The following TRAK1 variants were observed in gnomAD, a reference collection of about 807,000 sequenced individuals.
TRAK1 encodes trafficking kinesin protein 1, also known as trafficking kinesin-binding protein 1.
A neutral mutation model predicts 92.1 loss-of-function variants in TRAK1; 33 were observed. The ratio of observed to expected loss-of-function variants is 0.36; its 90% CI spans 0.27 to 0.48. TRAK1 has a LOEUF of 0.48. Ranked by LOEUF, TRAK1 falls within the 20% of genes least tolerant of loss-of-function variation. The pLI is 0.99. For missense variants in TRAK1, 1,123 were observed against 1,257.9 expected, an observed-to-expected ratio of 0.89 and a Z score of 1.62; for synonymous variants, 521 against 517.3, an observed-to-expected ratio of 1.01 and a Z score of -0.10.
At chr3:42,117,503 C>G (rs891399410) in intron 1 of TRAK1, among the ~76,000 whole-genome samples, 3 of 152,048 alleles carry the variant, frequency 2.0e-5, no homozygotes, top group African/African-American at 7.2e-5. Flanking sequence ...TCTCTCCTGT[C>G]TTTTATTCTT....
intron 1 of TRAK1, among the ~76,000 whole-genome samples, chr3:42,092,162 G>A (rs919798568): frequency 3.9e-5 from 6 of 152,114 alleles, no homozygotes; most frequent in Non-Finnish European, 7.4e-5. Context: ...CAGTGATGGA[G>A]GGCTTGCTAA....
chr3:42,122,797 C>G (rs1055762267), intron 1 of TRAK1, among the ~76,000 whole-genome samples: 2 of 152,154 alleles, frequency 1.3e-5, no homozygotes, highest in Non-Finnish European at 2.9e-5. Context: ...TGGGGGAGGA[C>G]ATAGCTTCTG....
intron 1 of TRAK1, among the ~76,000 whole-genome samples, chr3:42,077,122 G>C (rs1366042307): frequency 6.6e-6 from 1 of 152,058 alleles, no homozygotes. Flanking sequence ...TGGGCTTTTT[G>C]TTGTTTTTGT....
chr3:42,154,740 T>A (rs749087327), intron 2 of TRAK1, among the ~76,000 whole-genome samples: 70 of 152,172 alleles, frequency 4.6e-4, no homozygotes, highest in Non-Finnish European at 7.2e-4. Context: ...CTTATTTGTT[T>A]ATTTAAATTG....
At position 42,148,023 on chromosome 3, in the gene TRAK1, AACACACAC is replaced by A. The variant is rs146659030; in HGVS notation, c.286+22426_286+22433del. On this transcript the variant is annotated intron_variant, in intron 2 of 15. Coordinates refer to ENST00000327628, the MANE Select transcript of TRAK1 (RefSeq NM_001042646.3). Reference sequence around the variant, plus strand: ...AGAAGCAGACATACACATACATAGAAACACACACACACACACACACACACTATTATCTG... The same window carrying A: ...AGAAGCAGACATACACATACATAGAAACACACACACACACACTATTATCTG... Among the ~76,000 whole-genome samples the A allele has an allele frequency of 3.7e-4, 56 of 150,192 alleles. 1 individual carries two copies. The highest frequency in any genetic ancestry group is 7.1e-3 in the Middle Eastern group (2 of 280).
At chr3:42,067,678 G>A (rs549586107) in intron 1 of TRAK1, among the ~76,000 whole-genome samples, 61 of 151,570 alleles carry the variant, frequency 4.0e-4, no homozygotes, top group African/African-American at 1.4e-3. Context: ...CTGTCATTCT[G>A]TAGTGTTAGT....
chr3:42,042,675 A>C (rs1477434069), intron 1 of TRAK1, among the ~76,000 whole-genome samples: 3 of 123,278 alleles, frequency 2.4e-5, no homozygotes, highest in South Asian at 2.1e-4. Context: ...CCAGCCTGGA[A>C]CTTTTATTTT....
At chr3:42,161,926 A>G (rs1457806119) in intron 2 of TRAK1, among the ~76,000 whole-genome samples, 4 of 152,214 alleles carry the variant, frequency 2.6e-5, no homozygotes, top group Non-Finnish European at 4.4e-5. Context: ...GCTCCCCCAG[A>G]TTTAGCTGGA....
intron 2 of TRAK1, chr3:42,160,492 T>C (rs1701144273): frequency 6.2e-7 from 1 of 1,611,994 alleles, no homozygotes; most frequent in Non-Finnish European, 8.5e-7. Context: ...TGTACTTGGC[T>C]CAGATTTGAT....
chr3:42,223,545 A>G lies in TRAK1; in HGVS notation c.2670A>G (p.Val890=). ...PAPALVPRGL[V]PEGLPLRCPT... is the part of the protein sequence containing the mutation. ...CAGCCCTTGTTCCCAGAGGCCTGGT[A>G]CCTGAGGGCCTGCCCCTCAGATGCC... Residue 890 remains valine, a synonymous_variant, in exon 16 of 16, where the codon GTA becomes GTG. Coordinates refer to ENST00000327628, the MANE Select transcript of TRAK1 (RefSeq NM_001042646.3). This position sits in a 1 kb window ranked among gnomAD's most constrained non-coding sequence, Gnocchi z 6.1. 6.2e-7 allele frequency: 1 copy of G among 1,613,788 alleles called. No individual in the cohort carries two copies. The highest frequency in any genetic ancestry group is 2.2e-5 in the East Asian group (1 of 44,864).
At position 42,223,734 on chromosome 3, in the gene TRAK1, G is replaced by A. The variant is rs557184376; in HGVS notation, c.2859G>A (p.Arg953=). 1 of 1,601,430 alleles carries A rather than the reference G, an allele frequency of 6.2e-7. No homozygotes were observed. Among genetic ancestry groups the A allele is most frequent in the African/African-American group, 1.3e-5 (1 of 74,640 alleles). The change falls in exon 16 of 16, where the codon CGG becomes CGA. Residue 953 remains arginine, a synonymous_variant. Coordinates refer to ENST00000327628, the MANE Select transcript of TRAK1 (RefSeq NM_001042646.3). The surrounding 1 kb of genome is among the most constrained non-coding windows in gnomAD (Gnocchi z 6.1). ...AGCTCTCCAAACAAACTAGCTTACG[G>A]TGAGGACTGGAGGGGGGCCGGTTGC... ...GAKLSKQTSL[R] is the part of the protein sequence containing the mutation.
chr3:42,184,625 T>C (rs1374029174), intron 3 of TRAK1, 60 bp from the exon 4 acceptor site: 6 of 1,524,864 alleles, frequency 3.9e-6, no homozygotes, highest in African/African-American at 2.7e-5. Context: ...CTGAGCACCA[T>C]TGACTCCTTC....
chr3:42,218,581 T>C (rs1288668211), intron 14 of TRAK1: 1 of 985,238 alleles, frequency 1.0e-6, no homozygotes, highest in Non-Finnish European at 1.2e-6. Context: ...TCTGCAATCA[T>C]GATGTCTCCC....
At position 42,199,832 on chromosome 3, in the gene TRAK1, A is replaced by C. The variant is rs150996164; in HGVS notation, c.1190+579A>C. Among the ~76,000 whole-genome samples, 756 of 152,358 alleles carry C rather than the reference A, an allele frequency of 5.0e-3. 6 individuals are homozygous for C. Among genetic ancestry groups the C allele is most frequent in the Middle Eastern group, 0.037 (11 of 294 alleles). ...CTTCCAGAAAGTCCTAGAAAAGGAG[A>C]GATGTCTTTCCCATCTCTCTTAACA... On this transcript the variant is annotated intron_variant, in intron 11 of 15. Coordinates refer to ENST00000327628, the MANE Select transcript of TRAK1 (RefSeq NM_001042646.3).
At chr3:42,157,160 A>G (rs1700630224) in intron 2 of TRAK1, among the ~76,000 whole-genome samples, 1 of 151,680 alleles carries the variant, frequency 6.6e-6, no homozygotes, top group African/African-American at 2.4e-5. Context: ...TGGAAAAAAA[A>G]AAAAAATTAC....
intron 1 of TRAK1, among the ~76,000 whole-genome samples, chr3:42,098,149 C>T (rs1706217940): frequency 6.6e-6 from 1 of 151,998 alleles, no homozygotes; most frequent in Non-Finnish European, 1.5e-5. Flanking sequence ...TCTTCTCTTC[C>T]TCCATCCCCA....
chr3:42,048,227 C>T (rs991797466), intron 1 of TRAK1, among the ~76,000 whole-genome samples: 16 of 151,972 alleles, frequency 1.1e-4, no homozygotes, highest in Admixed American at 3.9e-4. Context: ...AGAGATAGGC[C>T]GTTGAACCTG....
At chr3:42,025,738 A>G (rs982156893) in intron 1 of TRAK1, among the ~76,000 whole-genome samples, 1 of 152,174 alleles carries the variant, frequency 6.6e-6, no homozygotes, top group African/African-American at 2.4e-5. Flanking sequence ...TCTCTGGAGA[A>G]TCTGCTGGAG....
At chr3:42,189,229 T>G (rs1009017851) in intron 6 of TRAK1, 105 bp downstream of exon 6, 1 of 827,124 alleles carries the variant, frequency 1.2e-6, no homozygotes, top group Non-Finnish European at 2.0e-6. Context: ...AAGCTGGCAG[T>G]CTGTGAAGAG....
Sources: gnomAD v4.1 joint callset for allele counts (sites outside exome capture counted in the v4.1 genomes callset) on GRCh38, gnomAD v4.1.1 for gene constraint, Gnocchi (gnomAD v3.1) non-coding constraint, MANE v1.5 for transcripts, NCBI Gene and HGNC (gene_info 2026-07-23, HGNC 2026-07-21) for gene names.